ADAP1: variants seen among roughly 807,000 people sequenced by gnomAD.
The protein encoded by ADAP1 is ArfGAP with dual PH domains 1, also known as arf-GAP with dual PH domain-containing protein 1.
Under a neutral mutation model 54.9 loss-of-function variants are expected in ADAP1, and 31 were observed. The ratio of observed to expected loss-of-function variants is 0.56; its 90% CI spans 0.42 to 0.76. The LOEUF is 0.76. Among genes scored for constraint, ADAP1 ranks in the 30% least tolerant of loss-of-function variants. The probability of loss-of-function intolerance (pLI) is 0.00; values close to 1 mark genes in which losing one functional copy is unlikely to be tolerated. For missense variants in ADAP1, 535 were observed against 512.4 expected (o/e 1.04, Z -0.42); for synonymous variants, 313 against 202.6 (o/e 1.55, Z -4.63).
chr7:948,672 C>T (rs117275887), intron 1 of ADAP1, among the ~76,000 whole-genome samples: 2,614 of 152,126 alleles, frequency 0.017, 32 homozygotes, highest in African/African-American at 0.03. Context: ...CCTGAAAACG[C>T]GTTTACGGGG....
intron 4 of ADAP1, among the ~76,000 whole-genome samples, chr7:914,431 A>AG (rs1845847881): frequency 2.0e-5 from 3 of 152,278 alleles, no homozygotes; most frequent in Admixed American, 2.0e-4. Context: ...GCACTCTGGG[A>AG]GGGGTTGGGA....
chr7:935,125 C>T (rs1370411122), intron 2 of ADAP1: 1 of 644,080 alleles, frequency 1.6e-6, no homozygotes, highest in Non-Finnish European at 2.9e-6. Flanking sequence ...CCCGCCTTCG[C>T]TCCCTGGCCC....
chr7:912,202 C>T (rs1413105603), intron 4 of ADAP1, among the ~76,000 whole-genome samples: 3 of 152,326 alleles, frequency 2.0e-5, no homozygotes, highest in South Asian at 4.1e-4. Flanking sequence ...ACAGAAGCTC[C>T]GACAGGAGCA....
intron 7 of ADAP1, 36 bp downstream of exon 7, chr7:900,497 G>A: frequency 3.4e-6 from 5 of 1,454,636 alleles, no homozygotes; most frequent in Non-Finnish European, 3.8e-6. Flanking sequence ...CACCACCCCT[G>A]TCTGCCCTGG....
At chr7:913,583 C>A (rs931097854) in intron 4 of ADAP1, among the ~76,000 whole-genome samples, 2 of 152,248 alleles carry the variant, frequency 1.3e-5, no homozygotes, top group Non-Finnish European at 2.9e-5. Flanking sequence ...CTGTTATAAT[C>A]CCCTTATACC....
At chr7:923,525 G>C (rs889819140) in intron 3 of ADAP1, among the ~76,000 whole-genome samples, 1 of 152,044 alleles carries the variant, frequency 6.6e-6, no homozygotes, top group African/African-American at 2.4e-5. Context: ...GACGGGTCCC[G>C]GCCTCTGAGT....
In ADAP1 at chr7:898,948, C is replaced by T. The variant is rs765530764; in HGVS notation, c.1098G>A (p.Val366=). The T allele has an allele frequency of 1.9e-6, 3 of 1,610,948 alleles. No homozygotes were observed. Among genetic ancestry groups the T allele is most frequent in the Non-Finnish European group, 2.5e-6 (3 of 1,179,094 alleles). The change falls in exon 11 of 11, where the codon GTG becomes GTA. Residue 366 remains valine, a splice_region_variant and synonymous_variant. Transcript: ENST00000265846. ...DRPMLPQEYA[V]EAHFKHKP The stretch of plus-strand genomic sequence containing the variant: ...AAGGTTTATGCTTGAAGTGCGCCTC[C>T]ACTGCAACGGAACAGGGTCCAGCGT...
intron 4 of ADAP1, among the ~76,000 whole-genome samples, chr7:911,460 C>G (rs1845718688): frequency 6.6e-6 from 1 of 152,208 alleles, no homozygotes. Flanking sequence ...GCCCCAAACC[C>G]TGAGGCCCCC....
At chr7:900,224 C>T (rs1844720904) in intron 7 of ADAP1, 60 bp from the exon 8 acceptor site, 2 of 1,598,688 alleles carry the variant, frequency 1.3e-6, no homozygotes, top group Non-Finnish European at 1.7e-6. Flanking sequence ...GAGCCCCTCC[C>T]TGGCTGTGCC....
chr7:950,160 C>T (rs933343872), intron 1 of ADAP1, among the ~76,000 whole-genome samples: 2 of 152,212 alleles, frequency 1.3e-5, no homozygotes, highest in Non-Finnish European at 2.9e-5. Context: ...AACCTGGAGA[C>T]GTTAGACTGA....
At position 898,871 on chromosome 7, in the gene ADAP1, TC is replaced by T. The variant is rs1562903706; in HGVS notation, c.*49del. The T allele has an allele frequency of 6.4e-7, 1 of 1,565,538 alleles. No homozygotes were observed. The highest frequency in any genetic ancestry group is 8.6e-7 in the Non-Finnish European group (1 of 1,157,454). On this transcript the variant is annotated 3_prime_UTR_variant, in exon 11 of 11. Transcript: ENST00000265846. ...AGAGCCCCCCCATCCACGGGTCCCCTCCGTCCAGCCACAGTGAGTCCAATGT... is the reference window on the plus strand; with the variant it reads ...AGAGCCCCCCCATCCACGGGTCCCCTCGTCCAGCCACAGTGAGTCCAATGT...
intron 1 of ADAP1, among the ~76,000 whole-genome samples, chr7:942,275 GAGAGAGAGGAGGAGGA>G (rs938146408): frequency 8.6e-5 from 13 of 151,770 alleles, no homozygotes; most frequent in Admixed American, 2.0e-4. Flanking sequence ...AATCCACTGA[GAGAGAGAGGAGGAGGA>G]AGAGAGAGGA....
chr7:953,710 G>C (rs1294428001), intron 1 of ADAP1, among the ~76,000 whole-genome samples: 3 of 152,232 alleles, frequency 2.0e-5, no homozygotes, highest in Non-Finnish European at 4.4e-5. Context: ...GGCCTGGAAG[G>C]GAGGGACTCC....
At chr7:947,140 G>A (rs150844868) in intron 1 of ADAP1, among the ~76,000 whole-genome samples, 2,513 of 151,270 alleles carry the variant, frequency 0.017, 32 homozygotes, top group Non-Finnish European at 0.025. Flanking sequence ...CCTGGGCTCA[G>A]GTAATCCTCC....
chr7:935,976 C>A (rs567425738), intron 1 of ADAP1, among the ~76,000 whole-genome samples: 3 of 152,360 alleles, frequency 2.0e-5, no homozygotes, highest in African/African-American at 7.2e-5. Context: ...ACACCCAACG[C>A]GCTGCACACC....
intron 1 of ADAP1, among the ~76,000 whole-genome samples, chr7:936,049 G>A (rs1224664488): frequency 6.6e-6 from 1 of 152,190 alleles, no homozygotes; most frequent in African/African-American, 2.4e-5. Context: ...AGCGCCCGGC[G>A]GCCACTAACT....
chr7:908,972 G>A (rs1845594264), intron 4 of ADAP1, among the ~76,000 whole-genome samples: 1 of 152,202 alleles, frequency 6.6e-6, no homozygotes, highest in African/African-American at 2.4e-5. Context: ...GCCACAGGGT[G>A]GGGACGCGCC....
intron 5 of ADAP1, among the ~76,000 whole-genome samples, chr7:904,685 G>C (rs542917902): frequency 5.9e-5 from 9 of 152,352 alleles, no homozygotes; most frequent in East Asian, 5.8e-4. Context: ...CACTGTTCTT[G>C]CCAATGTGTT....
At chr7:935,212 C>G (rs371979545) in intron 2 of ADAP1, 163 bp downstream of exon 2, 7 of 989,758 alleles carry the variant, frequency 7.1e-6, no homozygotes, top group African/African-American at 6.4e-5. Context: ...CAGGCGGAGC[C>G]GCTGGAGAGG....
Sources: gnomAD v4.1 joint callset for allele counts (sites outside exome capture counted in the v4.1 genomes callset) on GRCh38, gnomAD v4.1.1 for gene constraint, MANE v1.5 for transcripts, NCBI Gene and HGNC (gene_info 2026-07-23, HGNC 2026-07-21) for gene names.